Variants in LINC00305 observed in about 807,000 individuals in gnomAD.
The protein encoded by LINC00305 is long independently transcribed non-coding RNA 305.
At chr18:64,095,462 T>A (rs2051241633) in intron 3 of LINC00305, among the ~76,000 whole-genome samples, 1 of 152,204 alleles carries the variant, frequency 6.6e-6, no homozygotes, top group South Asian at 2.1e-4. Context: ...GAGGAGATTT[T>A]TTTTTTGATA....
chr18:64,090,299 T>A (rs1233683921), intron 3 of LINC00305, among the ~76,000 whole-genome samples: 1 of 152,176 alleles, frequency 6.6e-6, no homozygotes, highest in Non-Finnish European at 1.5e-5. Context: ...AAGAATCAAA[T>A]AATAGAAAGT....
intron 1 of LINC00305, among the ~76,000 whole-genome samples, chr18:64,136,360 C>T (rs1398530494): frequency 6.6e-6 from 1 of 152,098 alleles, no homozygotes; most frequent in Non-Finnish European, 1.5e-5. Flanking sequence ...GTTTAATGGA[C>T]TCACAGTTCC....
intron 1 of LINC00305, among the ~76,000 whole-genome samples, chr18:64,114,157 C>A (rs866559851): frequency 4.6e-5 from 7 of 152,142 alleles, no homozygotes; most frequent in South Asian, 2.1e-4. Flanking sequence ...GCAGTCCCAG[C>A]TACTCTGGAG....
At chr18:64,109,544 G>T (rs2051306124) in intron 1 of LINC00305, among the ~76,000 whole-genome samples, 1 of 152,174 alleles carries the variant, frequency 6.6e-6, no homozygotes, top group African/African-American at 2.4e-5. Context: ...TTTATTCATT[G>T]TCATCATCGG....
intron 3 of LINC00305, among the ~76,000 whole-genome samples, chr18:64,092,078 G>A (rs983094228): frequency 6.6e-6 from 1 of 152,146 alleles, no homozygotes; most frequent in Non-Finnish European, 1.5e-5. Context: ...AAATATGTTT[G>A]AAAAACCAAC....
At chr18:64,093,420 T>C (rs2051232523) in intron 3 of LINC00305, among the ~76,000 whole-genome samples, 2 of 152,132 alleles carry the variant, frequency 1.3e-5, no homozygotes, top group Non-Finnish European at 2.9e-5. Flanking sequence ...CTGCAAGCTC[T>C]ACCTCCTGGG....
chr18:64,088,179 G>C (rs748156264), intron 3 of LINC00305, among the ~76,000 whole-genome samples: 65 of 151,958 alleles, frequency 4.3e-4, no homozygotes, highest in South Asian at 8.3e-4. Context: ...AGCAAGATCA[G>C]GCAGCTCTGG....
chr18:64,088,134 C>T (rs147396189), intron 3 of LINC00305, among the ~76,000 whole-genome samples: 3,595 of 150,968 alleles, frequency 0.024, 137 homozygotes, highest in African/African-American at 0.083. Flanking sequence ...AGCGAGACTC[C>T]GTATCAGGAA....
intron 3 of LINC00305, among the ~76,000 whole-genome samples, chr18:64,094,979 T>C (rs1408435313): frequency 2.6e-5 from 4 of 151,952 alleles, no homozygotes; most frequent in Non-Finnish European, 4.4e-5. Context: ...ACAAACAAAT[T>C]TGGATACAGA....
chr18:64,137,847 TACAC>T (rs34096602), intron 1 of LINC00305, among the ~76,000 whole-genome samples: 16 of 148,476 alleles, frequency 1.1e-4, no homozygotes, highest in South Asian at 4.3e-4. Flanking sequence ...TACACACACA[TACAC>T]ACACACACAC....
chr18:64,098,664 A>AT, intron 1 of LINC00305: 1 of 421,566 alleles, frequency 2.4e-6, no homozygotes, highest in Admixed American at 3.0e-5. Flanking sequence ...AAGAAAATAA[A>AT]TTGTTGTTTT....
Position 64,080,413 on chromosome 18 carries a change from A to G in LINC00305, n.541-11T>C, listed in dbSNP as rs1403489426. On this transcript the variant is annotated splice_polypyrimidine_tract_variant and intron_variant and non_coding_transcript_variant, in intron 3 of 3. Coordinates refer to ENST00000666468, the Ensembl canonical transcript of LINC00305. ...GGTTCTTCCTGCATGCTGTACAAAC[A>G]AAAGTAATCCACATTATTGCAGTAG... 1.1e-5 allele frequency: 5 copies of G among 445,846 alleles called. No homozygotes were observed. The East Asian group carries it at 2.2e-4, about 20-fold the overall frequency. 27.6% of individuals were successfully genotyped at this position (445,846 alleles called of 1,614,324 possible).
chr18:64,139,250 T>G (rs1167687037), intron 1 of LINC00305, among the ~76,000 whole-genome samples: 1 of 152,234 alleles, frequency 6.6e-6, no homozygotes, highest in Non-Finnish European at 1.5e-5. Flanking sequence ...AACAAGGTTA[T>G]CTTTACTTTC....
intron 3 of LINC00305, among the ~76,000 whole-genome samples, chr18:64,083,922 A>G (rs1053906958): frequency 6.6e-6 from 1 of 152,174 alleles, no homozygotes; most frequent in Non-Finnish European, 1.5e-5. Flanking sequence ...TTAGACATGC[A>G]CTTTGTTCCC....
Position 64,098,853 on chromosome 18 carries a change from G to A in LINC00305, n.315-213C>T, listed in dbSNP as rs77494309. 7.8e-3 allele frequency among the ~76,000 whole-genome samples: 1,183 copies of A among 152,152 alleles called. 38 individuals are homozygous for A. Among genetic ancestry groups the A allele is most frequent in the Admixed American group, 0.064 (982 of 15,270 alleles). ...AGCCTCTTTCTGAAGTTATGTGTGC[G>A]GTTGGCTTAAATTTGACAAAAATAT... On this transcript the variant is annotated intron_variant and non_coding_transcript_variant, in intron 1 of 3. Transcript: ENST00000666468.
intron 1 of LINC00305, among the ~76,000 whole-genome samples, chr18:64,108,179 A>G (rs1265323006): frequency 6.6e-6 from 1 of 152,202 alleles, no homozygotes; most frequent in East Asian, 1.9e-4. Flanking sequence ...CAACTCTACA[A>G]ATTGAAGAAG....
At chr18:64,122,185 G>C (rs1264119501) in intron 1 of LINC00305, among the ~76,000 whole-genome samples, 4 of 151,978 alleles carry the variant, frequency 2.6e-5, no homozygotes, top group African/African-American at 9.7e-5. Flanking sequence ...AAGCTTTTTA[G>C]TTTAAGTCTC....
At position 64,088,509 on chromosome 18, in the gene LINC00305, C is replaced by T. The variant is rs1055019539; in HGVS notation, n.541-8107G>A. 5.3e-5 allele frequency among the ~76,000 whole-genome samples: 8 copies of T among 152,318 alleles called. No individual in the cohort carries two copies. In the East Asian group the frequency reaches 1.5e-3, roughly 29 times the overall value. On this transcript the variant is annotated intron_variant and non_coding_transcript_variant, in intron 3 of 3. Coordinates refer to ENST00000666468, the Ensembl canonical transcript of LINC00305. ...TGCACAAAATCCTTGTTGAGGGGTG[C>T]CTGCCTTGTCCATGTTCACAGAGTC...
intron 1 of LINC00305, among the ~76,000 whole-genome samples, chr18:64,103,204 C>T (rs1345194266): frequency 6.6e-6 from 1 of 152,144 alleles, no homozygotes; most frequent in Admixed American, 6.6e-5. Context: ...GTGTGTCTGC[C>T]ATTTTCCCTG....
Sources: gnomAD v4.1 joint callset for allele counts (sites outside exome capture counted in the v4.1 genomes callset) on GRCh38, gnomAD v4.1.1 for gene constraint, MANE v1.5 for transcripts, NCBI Gene and HGNC (gene_info 2026-07-23, HGNC 2026-07-21) for gene names.